The following ARHGEF9 variants were observed in gnomAD, a reference collection of about 807,000 sequenced individuals.
ARHGEF9 encodes the protein rho guanine nucleotide exchange factor 9.
Under a neutral mutation model 41.3 loss-of-function variants are expected in ARHGEF9, and 2 were observed. The observed-to-expected ratio is 0.05, with a 90% CI of 0.02 to 0.15. ARHGEF9 has a LOEUF of 0.15. Ranked by LOEUF, ARHGEF9 falls within the 10% of genes least tolerant of loss-of-function variation. The pLI is 1.00. For missense variants in ARHGEF9, 225 were observed against 424.7 expected (o/e 0.53, Z 4.13); for synonymous variants, 160 against 154.4 (o/e 1.04, Z -0.27).
At chrX:63,696,381 T>C (rs2051748516) in intron 4 of ARHGEF9, among the ~76,000 whole-genome samples, 1 of 112,000 alleles carries the variant, frequency 8.9e-6, no homozygotes. Context: ...AGAGAGATCA[T>C]ACAGTGTAAC....
At chrX:63,731,797 G>T (rs1397632170) in intron 1 of ARHGEF9, among the ~76,000 whole-genome samples, 3 of 110,736 alleles carry the variant, frequency 2.7e-5, no homozygotes, top group South Asian at 3.9e-4. Context: ...CTGACCTCAG[G>T]TGATCCGCCT....
intron 8 of ARHGEF9, among the ~76,000 whole-genome samples, chrX:63,647,485 T>C (rs2048193164): frequency 1.8e-5 from 2 of 112,062 alleles, no homozygotes; most frequent in African/African-American, 6.5e-5. Context: ...TCTATTGAGA[T>C]AATCATGTGG....
chrX:63,761,809 T>C (rs2056039026), intron 1 of ARHGEF9, among the ~76,000 whole-genome samples: 1 of 111,937 alleles, frequency 8.9e-6, no homozygotes, highest in South Asian at 3.8e-4. Context: ...AGTTTCCTTC[T>C]GTTCCTTCAC....
intron 7 of ARHGEF9, among the ~76,000 whole-genome samples, chrX:63,656,018 C>T (rs1446870269): frequency 1.8e-5 from 2 of 111,900 alleles, no homozygotes; most frequent in African/African-American, 6.5e-5. Flanking sequence ...AGGTAGGAAA[C>T]AGTAAGCCAC....
At chrX:63,744,186 G>T (rs1556430469) in intron 1 of ARHGEF9, among the ~76,000 whole-genome samples, 1 of 112,213 alleles carries the variant, frequency 8.9e-6, no homozygotes, top group Admixed American at 9.4e-5. Flanking sequence ...CTCCACTGGG[G>T]CAGTCACCCA....
At chrX:63,758,731 C>G (rs187238955) in intron 1 of ARHGEF9, among the ~76,000 whole-genome samples, 2 of 112,463 alleles carry the variant, frequency 1.8e-5, no homozygotes, top group Admixed American at 1.9e-4. Flanking sequence ...CTCTAATGTT[C>G]TCTTCCTCAA....
intron 1 of ARHGEF9, among the ~76,000 whole-genome samples, chrX:63,784,508 A>G (rs1472720049): frequency 3.6e-5 from 4 of 112,406 alleles, no homozygotes; most frequent in African/African-American, 9.7e-5. Flanking sequence ...TCTCCTTGAC[A>G]AAGCCCCAAG....
At chrX:63,670,681 A>C (rs2049898660) in intron 6 of ARHGEF9, among the ~76,000 whole-genome samples, 1 of 112,051 alleles carries the variant, frequency 8.9e-6, no homozygotes, top group Non-Finnish European at 1.9e-5. Flanking sequence ...AATTTCCCAG[A>C]AACTGCAGTC....
rs782150415 is a variant in ARHGEF9 at position 63,655,579 on chromosome X, G to T, written c.1236C>A (p.Phe412Leu). 2 of 1,211,336 alleles carry T rather than the reference G, an allele frequency of 1.7e-6. No individual in the cohort carries two copies. Among genetic ancestry groups the T allele is most frequent in the Admixed American group, 4.3e-5 (2 of 45,984 alleles). ...TTTTTTCCTCCAGCTTCTTGGCAAA[G>T]AACAGATGTATCTCCTCAGTCTCCT... ...HNKETEEIHL[F>L]FAKKLEEKIR... Residue 412 changes from phenylalanine to leucine, a missense_variant, in exon 8 of 10, where the codon TTC (phenylalanine) becomes TTA (leucine). Around this residue, in one of 3 missense-constraint regions of ARHGEF9, gnomAD observed 75 missense variants for 113.2 expected, o/e 0.66. Coordinates refer to ENST00000671741, the MANE Select transcript of ARHGEF9 (RefSeq NM_001353921.2).
At chrX:63,769,986 T>C (rs2056177619) in intron 1 of ARHGEF9, among the ~76,000 whole-genome samples, 1 of 111,825 alleles carries the variant, frequency 8.9e-6, no homozygotes, top group Admixed American at 9.4e-5. Flanking sequence ...CTAGTGGAGC[T>C]GTGAGAAGAG....
chrX:63,700,525 A>G (rs2052081665), intron 3 of ARHGEF9, among the ~76,000 whole-genome samples: 2 of 111,767 alleles, frequency 1.8e-5, no homozygotes, highest in African/African-American at 6.5e-5. Flanking sequence ...GCCTAATACC[A>G]TTTTCAGTTA....
At chrX:63,767,275 G>A (rs2056127933) in intron 1 of ARHGEF9, 5 of 577,254 alleles carry the variant, frequency 8.7e-6, no homozygotes, top group African/African-American at 2.2e-5. Flanking sequence ...AGAGGATGAC[G>A]ATGATGAAGT....
At chrX:63,776,457 T>G (rs2056295176) in intron 1 of ARHGEF9, among the ~76,000 whole-genome samples, 2 of 112,247 alleles carry the variant, frequency 1.8e-5, no homozygotes, top group Non-Finnish European at 3.8e-5. Flanking sequence ...TGAATTTCAT[T>G]ATAATTTCAT....
In ARHGEF9 at chrX:63,746,420, A is replaced by C. The variant is rs1460068086; in HGVS notation, c.31-21709T>G. Among the ~76,000 whole-genome samples, 3 of 111,408 alleles carry C rather than the reference A, an allele frequency of 2.7e-5. No individual in the cohort carries two copies. The Admixed American group carries it at 2.9e-4, about 11-fold the overall frequency. ...GCTCTATGTCAGTAAAACCCCTTTA[A>C]TTCTCAGAGTCATGACTGCATCCTG... On this transcript the variant is annotated intron_variant, in intron 1 of 9. Coordinates refer to ENST00000671741, the MANE Select transcript of ARHGEF9 (RefSeq NM_001353921.2).
intron 2 of ARHGEF9, 66 bp downstream of exon 2, chrX:63,724,466 G>A: frequency 1.3e-5 from 15 of 1,117,900 alleles, no homozygotes; most frequent in Non-Finnish European, 1.8e-5. Flanking sequence ...AACAGAGGCT[G>A]GTGAAGGGGA....
intron 3 of ARHGEF9, among the ~76,000 whole-genome samples, chrX:63,700,274 T>C (rs2147470276): frequency 8.9e-6 from 1 of 111,971 alleles, no homozygotes; most frequent in Non-Finnish European, 1.9e-5. Context: ...AGGGTCACCC[T>C]CGACCTCTAT....
chrX:63,643,392 C>T (rs2047769387), intron 9 of ARHGEF9, among the ~76,000 whole-genome samples: 1 of 104,906 alleles, frequency 9.5e-6, no homozygotes, highest in African/African-American at 3.5e-5. Context: ...TGTAGTCTCA[C>T]TCTGTTGCCA....
rs184252837 is a variant in ARHGEF9, at chrX:63,662,932, G to C, written c.1077+2954C>G. On this transcript the variant is annotated intron_variant, in intron 7 of 9. Coordinates refer to ENST00000671741, the MANE Select transcript of ARHGEF9 (RefSeq NM_001353921.2). ...CCCATAATTCTGTCAAGATGACCTA[G>C]AGCAATTCCACTTGGGACATCATAG... is the stretch of plus-strand genomic sequence containing the variant. Among the ~76,000 whole-genome samples, 22 of 111,926 alleles carry C rather than the reference G, an allele frequency of 2.0e-4. No individual in the cohort carries two copies. The East Asian group carries it at 2.0e-3, about 10-fold the overall frequency.
At chrX:63,646,893 TC>T (rs1448955038) in intron 8 of ARHGEF9, among the ~76,000 whole-genome samples, 1 of 111,633 alleles carries the variant, frequency 9.0e-6, no homozygotes, top group Non-Finnish European at 1.9e-5. Flanking sequence ...GTTTGTATCC[TC>T]TTTTATTTCA....
Sources: allele counts gnomAD v4.1 joint callset (sites outside exome capture counted in the v4.1 genomes callset), GRCh38; gene constraint gnomAD v4.1.1; regional missense constraint gnomAD v4.1.1; transcripts MANE v1.5; gene names NCBI Gene and HGNC (gene_info 2026-07-23, HGNC 2026-07-21).